NSUN6: variants seen among roughly 807,000 people sequenced by gnomAD.
NSUN6 encodes NOP2/Sun RNA methyltransferase 6.
In NSUN6, 64 loss-of-function variants were observed where a neutral mutation model predicts 58.0. The observed-to-expected ratio is 1.10, with a 90% CI of 0.90 to 1.36. NSUN6 has a LOEUF of 1.36. NSUN6 is among the 40% of genes most tolerant of loss of function. NSUN6 has a pLI of 0.00. For missense variants in NSUN6, 701 were observed against 550.1 expected (o/e 1.27, Z -2.74); for synonymous variants, 231 against 193.9 (o/e 1.19, Z -1.59).
At position 18,546,124 on chromosome 10, in the gene NSUN6, C is replaced by A; in HGVS notation, c.1219G>T (p.Gly407Ter). 1 of 1,613,228 alleles carries A rather than the reference C, an allele frequency of 6.2e-7. No individual in the cohort carries two copies. The highest frequency in any genetic ancestry group is 8.5e-7 in the Non-Finnish European group (1 of 1,179,268). The change falls in exon 11 of 11, where the codon GGA (glycine) becomes TGA (stop). Residue 407 changes from glycine to a stop codon, truncating the protein, a stop_gained. Coordinates refer to ENST00000377304, the MANE Select transcript of NSUN6 (RefSeq NM_182543.5). LOFTEE classifies it high-confidence loss of function. ...QPQEPQIGGE[G>*]MRGAGLSCEQ... Reference sequence around the variant, plus strand: ...CATGAGAGCCCAGCTCCCCTCATTCCTTCTCCTCCAATCTGCGGTTCCTGT... The same window carrying A: ...CATGAGAGCCCAGCTCCCCTCATTCATTCTCCTCCAATCTGCGGTTCCTGT...
At chr10:18,593,060 C>T (rs1231468577) in intron 7 of NSUN6, among the ~76,000 whole-genome samples, 1 of 152,174 alleles carries the variant, frequency 6.6e-6, no homozygotes, top group Non-Finnish European at 1.5e-5. Flanking sequence ...TGAACAGACA[C>T]TTCTCAAAAG....
chr10:18,582,500 G>T (rs1397827250), intron 8 of NSUN6, among the ~76,000 whole-genome samples: 1 of 152,218 alleles, frequency 6.6e-6, no homozygotes, highest in Non-Finnish European at 1.5e-5. Flanking sequence ...AAGTTTATGA[G>T]AGAATCAAGG....
At chr10:18,632,185 C>T (rs1235156287) in intron 3 of NSUN6, among the ~76,000 whole-genome samples, 1 of 151,902 alleles carries the variant, frequency 6.6e-6, no homozygotes, top group Non-Finnish European at 1.5e-5. Context: ...ATGGTGCTGG[C>T]AAAACTGGCT....
rs1449036161 is a variant in NSUN6 at position 18,555,251 on chromosome 10, G to A, written c.923-3280C>T. Reference sequence around the variant, plus strand: ...AATGGAATAGAGTGGAGAGTATAGAGGAAAGTAACTGAATGTGAATGAAAT... The same window carrying A: ...AATGGAATAGAGTGGAGAGTATAGAAGAAAGTAACTGAATGTGAATGAAAT... On this transcript the variant is annotated intron_variant, in intron 8 of 10. Transcript: ENST00000377304. Among the ~76,000 whole-genome samples, 3 of 147,122 alleles carry A rather than the reference G, an allele frequency of 2.0e-5. No homozygotes were observed. In the Admixed American group the frequency reaches 2.1e-4, roughly 10 times the overall value.
intron 5 of NSUN6, among the ~76,000 whole-genome samples, chr10:18,611,541 A>C (rs528249994): frequency 6.6e-6 from 1 of 151,948 alleles, no homozygotes; most frequent in Non-Finnish European, 1.5e-5. Context: ...TTATTTATTT[A>C]TTTTCAGACA....
rs562207637 is a variant in NSUN6, at chr10:18,615,128, T to TATATATAC, written c.422-516_422-515insGTATATAT. Among the ~76,000 whole-genome samples, 285 of 148,034 alleles carry TATATATAC rather than the reference T, an allele frequency of 1.9e-3. 2 individuals carry two copies. Among genetic ancestry groups the TATATATAC allele is most frequent in the African/African-American group, 5.0e-3 (202 of 40,330 alleles). On this transcript the variant is annotated intron_variant, in intron 4 of 10. Transcript: ENST00000377304. ...ATTCATATATATATATATATATATA[T>TATATATAC]ACACACACATATAGGCACACATATA...
chr10:18,657,183 C>T (rs1051450241), upstream of NSUN6, among the ~76,000 whole-genome samples: 18 of 152,104 alleles, frequency 1.2e-4, no homozygotes, highest in African/African-American at 4.3e-4. Flanking sequence ...AGCATGATAT[C>T]TGTTTAGATA....
chr10:18,624,794 G>A (rs1199228703), intron 3 of NSUN6, among the ~76,000 whole-genome samples: 1 of 152,054 alleles, frequency 6.6e-6, no homozygotes, highest in Non-Finnish European at 1.5e-5. Context: ...GTCTTGGCTA[G>A]CTAAGCAGCT....
intron 3 of NSUN6, among the ~76,000 whole-genome samples, chr10:18,627,626 T>C (rs1005249222): frequency 6.6e-6 from 1 of 152,180 alleles, no homozygotes; most frequent in Non-Finnish European, 1.5e-5. Context: ...GGAGTTCCCT[T>C]TCCTAGTCAA....
chr10:18,654,172 T>C (rs1464145392), upstream of NSUN6, among the ~76,000 whole-genome samples: 1 of 152,170 alleles, frequency 6.6e-6, no homozygotes, highest in East Asian at 1.9e-4. Context: ...CTCGGCTCAC[T>C]GCAACCTCCG....
At chr10:18,653,226 T>G (rs544501690), upstream of NSUN6, 12 of 984,846 alleles carry the variant, frequency 1.2e-5, 1 homozygote, top group South Asian at 3.8e-4. Flanking sequence ...CCAAGCCTAA[T>G]CCATAATGGG....
intron 6 of NSUN6, among the ~76,000 whole-genome samples, chr10:18,607,333 T>C (rs572617351): frequency 3.0e-3 from 456 of 152,344 alleles, no homozygotes; most frequent in Middle Eastern, 6.8e-3. Context: ...TAATTATCAA[T>C]TTTTAAAATT....
At chr10:18,635,775 T>A (rs956856718) in intron 3 of NSUN6, among the ~76,000 whole-genome samples, 4 of 151,096 alleles carry the variant, frequency 2.6e-5, no homozygotes, top group African/African-American at 9.7e-5. Flanking sequence ...GAGGCAGGGG[T>A]TGCAGTGAGC....
At chr10:18,603,036 T>A (rs2057908598) in intron 6 of NSUN6, among the ~76,000 whole-genome samples, 1 of 152,212 alleles carries the variant, frequency 6.6e-6, no homozygotes, top group African/African-American at 2.4e-5. Context: ...CTCACTCCTG[T>A]AATCTCAACA....
chr10:18,576,967 G>C (rs904057927), intron 8 of NSUN6, among the ~76,000 whole-genome samples: 1 of 152,138 alleles, frequency 6.6e-6, no homozygotes, highest in Non-Finnish European at 1.5e-5. Flanking sequence ...AGACGCAATT[G>C]GAGTCTCATG....
At chr10:18,609,006 GTGGGCTAAATAC>G (rs2058136687) in intron 6 of NSUN6, among the ~76,000 whole-genome samples, 1 of 152,168 alleles carries the variant, frequency 6.6e-6, no homozygotes, top group Admixed American at 6.5e-5. Flanking sequence ...TAAAATGTCT[GTGGGCTAAATAC>G]TGGGCAAAGG....
intron 3 of NSUN6, among the ~76,000 whole-genome samples, chr10:18,621,189 T>C (rs1433555467): frequency 6.6e-6 from 1 of 152,218 alleles, no homozygotes; most frequent in African/African-American, 2.4e-5. Flanking sequence ...GGAATCTACA[T>C]GATGAGCCCT....
At chr10:18,603,980 G>A (rs1339465136) in intron 6 of NSUN6, among the ~76,000 whole-genome samples, 5 of 151,890 alleles carry the variant, frequency 3.3e-5, no homozygotes, top group African/African-American at 7.3e-5. Context: ...TCAAGAGATC[G>A]AGACCATCCT....
chr10:18,624,784 G>T (rs899976428), intron 3 of NSUN6, among the ~76,000 whole-genome samples: 40 of 152,126 alleles, frequency 2.6e-4, no homozygotes, highest in Admixed American at 1.2e-3. Flanking sequence ...GAGAGGATGG[G>T]TCTTGGCTAG....
Sources: gnomAD v4.1 joint callset for allele counts (sites outside exome capture counted in the v4.1 genomes callset) on GRCh38, gnomAD v4.1.1 for gene constraint, MANE v1.5 for transcripts, NCBI Gene and HGNC (gene_info 2026-07-23, HGNC 2026-07-21) for gene names.